HNRNPR: variants seen among roughly 807,000 people sequenced by gnomAD.
HNRNPR encodes the protein heterogeneous nuclear ribonucleoprotein R.
Under a neutral mutation model 70.3 loss-of-function variants are expected in HNRNPR, and 4 were observed. The observed-to-expected ratio is 0.06, with a 90% confidence interval of 0.03 to 0.13. The LOEUF (loss-of-function observed/expected upper bound fraction) is 0.13. Among genes scored for constraint, HNRNPR ranks in the 10% least tolerant of loss-of-function variants. The pLI is 1.00. For missense variants in HNRNPR, 423 were observed against 788.5 expected (o/e 0.54, Z 5.55); for synonymous variants, 241 against 267.6 (o/e 0.90, Z 0.97).
chr1:23,330,523 A>C (rs956752577), intron 5 of HNRNPR, among the ~76,000 whole-genome samples: 1 of 152,312 alleles, frequency 6.6e-6, no homozygotes, highest in African/African-American at 2.4e-5. Context: ...CGACAGAGTG[A>C]GACTCCATCT....
chr1:23,325,071 C>T (rs1170680569), intron 5 of HNRNPR, among the ~76,000 whole-genome samples: 2 of 151,164 alleles, frequency 1.3e-5, no homozygotes, highest in African/African-American at 4.9e-5. Context: ...ACCCGGGAGG[C>T]GGAGCTTGCA....
chr1:23,321,151 G>A (rs1346053763), intron 7 of HNRNPR, among the ~76,000 whole-genome samples: 6 of 48,130 alleles, frequency 1.2e-4, no homozygotes, highest in African/African-American at 4.8e-4. Context: ...CAACAAGAGC[G>A]AAACTCCGTC....
rs945724381 is a variant in HNRNPR at position 23,306,555 on chromosome 1, C to T, written c.*3899G>A. 6.6e-6 allele frequency: 1 copy of T among 151,630 alleles called. No homozygotes were observed. The highest frequency in any genetic ancestry group is 1.5e-5 in the Non-Finnish European group (1 of 67,940). 9.4% of individuals were successfully genotyped at this position (151,630 alleles called of 1,614,324 possible). A position where few individuals can be genotyped will look rare whatever the true frequency, so the allele number is the denominator to read the frequency against. On this transcript the variant is annotated 3_prime_UTR_variant, in exon 11 of 11. Transcript: ENST00000302271. ...AGTTAAAACAGGAAAAGTACACTTG[C>T]AGATTTCTGGATAACATCTGAAAAT...
chr1:23,334,367 G>A (rs1646376162), intron 4 of HNRNPR, among the ~76,000 whole-genome samples: 1 of 151,054 alleles, frequency 6.6e-6, no homozygotes, highest in African/African-American at 2.4e-5. Flanking sequence ...CTCCCGAGCA[G>A]CTGGGACTAC....
intron 4 of HNRNPR, among the ~76,000 whole-genome samples, chr1:23,336,189 G>A (rs1646475075): frequency 6.6e-6 from 1 of 150,878 alleles, no homozygotes; most frequent in African/African-American, 2.4e-5. Flanking sequence ...CTTTGGGGAG[G>A]GTGAGGTAGG....
chr1:23,335,103 G>T (rs901625031), intron 4 of HNRNPR, among the ~76,000 whole-genome samples: 1 of 152,010 alleles, frequency 6.6e-6, no homozygotes, highest in Non-Finnish European at 1.5e-5. Flanking sequence ...ATTTTTAGTA[G>T]ACAGGTGGCC....
At chr1:23,321,040 C>T (rs1484503907) in intron 7 of HNRNPR, among the ~76,000 whole-genome samples, 1 of 151,602 alleles carries the variant, frequency 6.6e-6, no homozygotes, top group Non-Finnish European at 1.5e-5. Flanking sequence ...GTGGCACATG[C>T]TAGTCCCAGC....
chr1:23,331,834 T>TAAAAAAAAAAA lies in HNRNPR; in HGVS notation c.498+1673_498+1683dup, dbSNP rs59006948. Among the ~76,000 whole-genome samples the TAAAAAAAAAAA allele has an allele frequency of 9.9e-3, 584 of 59,236 alleles. 50 individuals are homozygous for TAAAAAAAAAAA. Among genetic ancestry groups the TAAAAAAAAAAA allele is most frequent in the South Asian group, 0.058 (40 of 692 alleles). The allele number at this position is 59,236 out of a possible 152,430, so 38.9% of individuals were successfully genotyped here. ...CTGGGTGACAGTGAGACTGTTTCTT[T>TAAAAAAAAAAA]AAAAAAAAAAAAAAAAAAAAAAAAA... On this transcript the variant is annotated intron_variant, in intron 5 of 10. Transcript: ENST00000302271.
At chr1:23,327,671 CAG>C (rs1646044800) in intron 5 of HNRNPR, among the ~76,000 whole-genome samples, 1 of 151,666 alleles carries the variant, frequency 6.6e-6, no homozygotes, top group African/African-American at 2.4e-5. Context: ...GCCTATGCAA[CAG>C]AGTGAGACTC....
At chr1:23,334,923 G>GT (rs922757473) in intron 4 of HNRNPR, among the ~76,000 whole-genome samples, 1,823 of 145,164 alleles carry the variant, frequency 0.013, 30 homozygotes, top group African/African-American at 0.036. Flanking sequence ...AGTTTTTTTG[G>GT]TTTTTTTTTT....
Position 23,332,396 on chromosome 1 carries a change from A to T in HNRNPR, c.498+1122T>A, listed in dbSNP as rs1451779050. Among the ~76,000 whole-genome samples, 3 of 89,136 alleles carry T rather than the reference A, an allele frequency of 3.4e-5. No individual in the cohort carries two copies. In the East Asian group the frequency reaches 8.5e-4, roughly 25 times the overall value. The allele number at this position is 89,136 out of a possible 152,430, so 58.5% of individuals were successfully genotyped here. A position where few individuals can be genotyped will look rare whatever the true frequency, so the allele number is the denominator to read the frequency against. On this transcript the variant is annotated intron_variant, in intron 5 of 10. Transcript: ENST00000302271. ...GAGAGGACAAGCACAGTTCTAAATT[A>T]TTGATATTAAAAAAAAAAAAACTTG... is the stretch of plus-strand genomic sequence containing the variant.
chr1:23,336,767 C>CAAA (rs34880516), intron 4 of HNRNPR, among the ~76,000 whole-genome samples: 2 of 59,562 alleles, frequency 3.4e-5, no homozygotes, highest in South Asian at 6.6e-4. Context: ...GACTCTGTCT[C>CAAA]AAAAAAAAAA....
intron 5 of HNRNPR, among the ~76,000 whole-genome samples, chr1:23,333,289 G>A (rs1369778457): frequency 1.3e-5 from 2 of 152,166 alleles, no homozygotes; most frequent in Non-Finnish European, 2.9e-5. Context: ...TTAGCAACCT[G>A]TTCCAAAAAC....
intron 4 of HNRNPR, among the ~76,000 whole-genome samples, chr1:23,335,924 C>T (rs112417208): frequency 0.059 from 7,994 of 134,952 alleles, 702 homozygotes; most frequent in African/African-American, 0.2. Flanking sequence ...GAGACCATCC[C>T]GGCTAAAATG....
At chr1:23,323,023 A>C (rs1011111179) in intron 6 of HNRNPR, among the ~76,000 whole-genome samples, 2 of 152,246 alleles carry the variant, frequency 1.3e-5, no homozygotes, top group Non-Finnish European at 2.9e-5. Flanking sequence ...GATTAAAGAC[A>C]GAGAAGACTC....
At chr1:23,315,279 CAAA>C (rs1165980444) in intron 8 of HNRNPR, among the ~76,000 whole-genome samples, 3 of 35,370 alleles carry the variant, frequency 8.5e-5, no homozygotes, top group Admixed American at 4.0e-4. Flanking sequence ...GGCTCCGTCT[CAAA>C]AAAAAAAAAA....
At chr1:23,317,434 G>T (rs1048242016) in intron 8 of HNRNPR, among the ~76,000 whole-genome samples, 1 of 151,762 alleles carries the variant, frequency 6.6e-6, no homozygotes, top group Non-Finnish European at 1.5e-5. Context: ...CTCCAGCCTG[G>T]GACAAAGCAA....
intron 4 of HNRNPR, among the ~76,000 whole-genome samples, chr1:23,335,620 T>C (rs368377117): frequency 2.0e-5 from 3 of 152,088 alleles, no homozygotes; most frequent in Non-Finnish European, 2.9e-5. Flanking sequence ...GGGATCTAGG[T>C]TGCATGCTCC....
intron 1 of HNRNPR, among the ~76,000 whole-genome samples, chr1:23,343,985 C>CG (rs1453177020): frequency 1.4e-4 from 22 of 152,080 alleles, no homozygotes; most frequent in Non-Finnish European, 4.4e-5. Flanking sequence ...GGCCGGACCG[C>CG]GGGCTAAAGG....
Sources: allele counts gnomAD v4.1 joint callset (sites outside exome capture counted in the v4.1 genomes callset), GRCh38; gene constraint gnomAD v4.1.1; transcripts MANE v1.5; gene names NCBI Gene and HGNC (gene_info 2026-07-23, HGNC 2026-07-21).